NELL2: variants seen among roughly 807,000 people sequenced by gnomAD.
NELL2 encodes protein kinase C-binding protein NELL2.
NELL2 carries 41 observed loss-of-function variants against 109.6 expected under a neutral mutation model. The ratio of observed to expected loss-of-function variants is 0.37; its 90% CI spans 0.29 to 0.49. The LOEUF (loss-of-function observed/expected upper bound fraction) is 0.49. Among genes scored for constraint, NELL2 ranks in the 20% least tolerant of loss-of-function variants. The probability of loss-of-function intolerance (pLI) is 0.98; values close to 1 mark genes in which losing one functional copy is unlikely to be tolerated. For synonymous variants in NELL2, 355 were observed against 344.7 expected, an observed-to-expected ratio of 1.03 and a Z score of -0.33; for missense variants, 900 against 1,008.3, an observed-to-expected ratio of 0.89 and a Z score of 1.45.
intron 2 of NELL2, among the ~76,000 whole-genome samples, chr12:44,849,777 G>A (rs1188097325): frequency 6.6e-6 from 1 of 151,962 alleles, no homozygotes; most frequent in African/African-American, 2.4e-5. Flanking sequence ...ATCAAATTGT[G>A]GTATATTCAT....
intron 13 of NELL2, among the ~76,000 whole-genome samples, chr12:44,659,219 A>C (rs901388255): frequency 2.0e-5 from 3 of 152,202 alleles, no homozygotes; most frequent in African/African-American, 7.2e-5. Flanking sequence ...AGACTTAAAC[A>C]TAAGACCTAA....
chr12:44,688,329 A>G (rs1026685002), intron 12 of NELL2, among the ~76,000 whole-genome samples: 1 of 152,214 alleles, frequency 6.6e-6, no homozygotes, highest in Non-Finnish European at 1.5e-5. Flanking sequence ...TCTAGTTTCC[A>G]GTAAATTAAT....
At chr12:44,510,593 C>T (rs1451520394) in intron 19 of NELL2, among the ~76,000 whole-genome samples, 1 of 152,164 alleles carries the variant, frequency 6.6e-6, no homozygotes, top group Non-Finnish European at 1.5e-5. Context: ...AGTATATATC[C>T]AAGAAGAATA....
At chr12:44,819,108 TA>T (rs1485224664) in intron 2 of NELL2, among the ~76,000 whole-genome samples, 1 of 152,088 alleles carries the variant, frequency 6.6e-6, no homozygotes, top group Non-Finnish European at 1.5e-5. Flanking sequence ...GGCCTTAAGG[TA>T]AAAGAATGAA....
At position 44,718,232 on chromosome 12, in the gene NELL2, C is replaced by T. The variant is rs78820138; in HGVS notation, c.995-3491G>A. ...ATCGGGCCTATGCCCTAATTTTAAC[C>T]AAGGCGAACCCATGCAGGTATCAGG... On this transcript the variant is annotated intron_variant, in intron 9 of 19. Transcript: ENST00000429094. Among the ~76,000 whole-genome samples the T allele has an allele frequency of 5.4e-3, 825 of 152,156 alleles. 10 individuals carry two copies. Among genetic ancestry groups the T allele is most frequent in the African/African-American group, 0.019 (786 of 41,516 alleles).
intron 14 of NELL2, among the ~76,000 whole-genome samples, chr12:44,608,724 G>T (rs1945497269): frequency 6.6e-6 from 1 of 151,322 alleles, no homozygotes; most frequent in Non-Finnish European, 1.5e-5. Flanking sequence ...AAAGCTTTTG[G>T]GCTCCTAGAT....
At chr12:44,815,347 T>C (rs1943307808) in intron 3 of NELL2, among the ~76,000 whole-genome samples, 1 of 152,216 alleles carries the variant, frequency 6.6e-6, no homozygotes, top group Non-Finnish European at 1.5e-5. Flanking sequence ...ATTACAATTA[T>C]ACGACTATTA....
intron 13 of NELL2, among the ~76,000 whole-genome samples, chr12:44,634,591 G>A (rs1400592934): frequency 5.9e-5 from 9 of 152,060 alleles, no homozygotes; most frequent in Admixed American, 5.2e-4. Flanking sequence ...ATTTGTGTTG[G>A]TTCCAAATCT....
intron 3 of NELL2, among the ~76,000 whole-genome samples, chr12:44,791,553 A>G (rs1465010555): frequency 6.6e-6 from 1 of 151,758 alleles, no homozygotes; most frequent in Non-Finnish European, 1.5e-5. Context: ...TAGTAGTGGT[A>G]GATTGGTGGG....
At chr12:44,776,420 C>T (rs1941759704) in intron 7 of NELL2, among the ~76,000 whole-genome samples, 1 of 152,118 alleles carries the variant, frequency 6.6e-6, no homozygotes, top group South Asian at 2.1e-4. Context: ...CAAAACATCA[C>T]TCAAATGCAG....
At chr12:44,769,720 T>A (rs1941471099) in intron 9 of NELL2, among the ~76,000 whole-genome samples, 2 of 152,114 alleles carry the variant, frequency 1.3e-5, no homozygotes, top group African/African-American at 4.8e-5. Context: ...CTAACTGCCA[T>A]CCAACAATAG....
At chr12:44,558,744 C>T (rs921258736) in intron 15 of NELL2, among the ~76,000 whole-genome samples, 6 of 152,182 alleles carry the variant, frequency 3.9e-5, no homozygotes, top group South Asian at 2.1e-4. Flanking sequence ...CAAAACCGAG[C>T]GGTTGTTTGG....
At chr12:44,754,897 G>A (rs143595116) in intron 9 of NELL2, among the ~76,000 whole-genome samples, 37 of 152,094 alleles carry the variant, frequency 2.4e-4, no homozygotes, top group African/African-American at 7.2e-4. Context: ...ATTTACTATC[G>A]ACAACTCTGT....
intron 15 of NELL2, among the ~76,000 whole-genome samples, chr12:44,590,585 A>G (rs1258126115): frequency 6.6e-6 from 1 of 152,208 alleles, no homozygotes; most frequent in Non-Finnish European, 1.5e-5. Flanking sequence ...TTCATAAAAT[A>G]CTGGATTGGT....
At chr12:44,553,013 G>A (rs942518270) in intron 15 of NELL2, among the ~76,000 whole-genome samples, 2 of 149,186 alleles carry the variant, frequency 1.3e-5, no homozygotes, top group Admixed American at 1.3e-4. Flanking sequence ...GTAAACTATC[G>A]CAAGAACAAA....
At chr12:44,810,477 G>A (rs1044741609) in intron 3 of NELL2, among the ~76,000 whole-genome samples, 2 of 152,024 alleles carry the variant, frequency 1.3e-5, no homozygotes, top group African/African-American at 4.8e-5. Flanking sequence ...TGGTTCATCT[G>A]CCCATTTGTA....
At chr12:44,902,120 T>A (rs979403457) in intron 1 of NELL2, among the ~76,000 whole-genome samples, 3 of 152,348 alleles carry the variant, frequency 2.0e-5, no homozygotes, top group African/African-American at 7.2e-5. Flanking sequence ...TGTCTCTGTT[T>A]GCAGATGACA....
intron 19 of NELL2, among the ~76,000 whole-genome samples, chr12:44,515,220 C>T (rs952761281): frequency 6.6e-6 from 1 of 151,688 alleles, no homozygotes; most frequent in Non-Finnish European, 1.5e-5. Flanking sequence ...AAAATAAGAA[C>T]AATACATTTT....
intron 15 of NELL2, among the ~76,000 whole-genome samples, chr12:44,569,591 A>G (rs1323613486): frequency 6.6e-6 from 1 of 152,196 alleles, no homozygotes; most frequent in East Asian, 1.9e-4. Context: ...GCTCTGTTTT[A>G]GACCTCTTTA....
Sources: gnomAD v4.1 joint callset for allele counts (sites outside exome capture counted in the v4.1 genomes callset) on GRCh38, gnomAD v4.1.1 for gene constraint, MANE v1.5 for transcripts, NCBI Gene and HGNC (gene_info 2026-07-23, HGNC 2026-07-21) for gene names.